MSTO1: variants seen among roughly 807,000 people sequenced by gnomAD.
The protein encoded by MSTO1 is protein misato homolog 1.
In MSTO1, 24 loss-of-function variants were observed where a neutral mutation model predicts 55.7. The ratio of observed to expected loss-of-function variants is 0.43; its 90% CI spans 0.31 to 0.61. The LOEUF (loss-of-function observed/expected upper bound fraction) is 0.61, where lower values mean the gene tolerates loss of function less well. MSTO1 is among the 20% of genes least tolerant of loss of function. The probability of loss-of-function intolerance (pLI) is 0.09; values close to 1 mark genes in which losing one functional copy is unlikely to be tolerated. For synonymous variants in MSTO1, 162 were observed against 252.8 expected (o/e 0.64, Z 3.41); for missense variants, 363 against 625.7 (o/e 0.58, Z 4.48).
chr1:155,609,177 G>A (rs1407599085), upstream of MSTO1, among the ~76,000 whole-genome samples: 1 of 137,696 alleles, frequency 7.3e-6, no homozygotes, highest in Non-Finnish European at 1.5e-5. Flanking sequence ...GCACCTAATA[G>A]CCCAAAAATT....
chr1:155,583,279 C>G, the MSTO1 span, among the ~76,000 whole-genome samples: 1 of 150,644 alleles, frequency 6.6e-6, no homozygotes, highest in African/African-American at 2.4e-5. Context: ...GTGGCTCACA[C>G]CTGCAATCCC....
the MSTO1 span, among the ~76,000 whole-genome samples, chr1:155,600,094 C>G: frequency 6.6e-6 from 1 of 152,168 alleles, no homozygotes; most frequent in African/African-American, 2.4e-5. Context: ...TTACGGGTGT[C>G]GGGCTGGGGA....
chr1:155,577,893 G>A, the MSTO1 span, among the ~76,000 whole-genome samples: 3 of 152,224 alleles, frequency 2.0e-5, no homozygotes, highest in South Asian at 2.1e-4. Context: ...CTACAAGCAC[G>A]AGCCACTACA....
chr1:155,593,000 C>G, the MSTO1 span, among the ~76,000 whole-genome samples: 5 of 152,178 alleles, frequency 3.3e-5, no homozygotes, highest in Admixed American at 2.0e-4. Context: ...CAACCTCCAC[C>G]TCCCAGGTTC....
chr1:155,594,704 T>G, the MSTO1 span, among the ~76,000 whole-genome samples: 1 of 152,052 alleles, frequency 6.6e-6, no homozygotes, highest in African/African-American at 2.4e-5. Context: ...CTTCCACTTT[T>G]GCTCCCAAGT....
the MSTO1 span, among the ~76,000 whole-genome samples, chr1:155,576,511 G>A: frequency 6.6e-6 from 1 of 151,570 alleles, no homozygotes; most frequent in South Asian, 2.1e-4. Flanking sequence ...ATTTTTAGTA[G>A]AGATGGGGTT....
chr1:155,609,805 T>C (rs552284954), upstream of MSTO1: 4 of 193,468 alleles, frequency 2.1e-5, no homozygotes, highest in African/African-American at 9.5e-5. Flanking sequence ...TCTGAAGAGA[T>C]GAAGGGGCAT....
chr1:155,612,229 C>A lies in MSTO1; in HGVS notation c.726C>A (p.Gly242=). The A allele has an allele frequency of 6.2e-7, 1 of 1,606,900 alleles. No homozygotes were observed. Among genetic ancestry groups the A allele is most frequent in the Non-Finnish European group, 8.5e-7 (1 of 1,176,274 alleles). ...CDLHDGFSGV[G]AKAAELLQDE... ...TGCACGATGGCTTCTCTGGGGTAGG[C>A]GCGAAGGCGGCAGAGCTGCTACAAG... The change falls in exon 8 of 14, where the codon GGC becomes GGA. Residue 242 remains glycine (G), a synonymous_variant. Transcript: ENST00000245564.
the MSTO1 span, among the ~76,000 whole-genome samples, chr1:155,567,546 C>T: frequency 1.3e-5 from 2 of 151,632 alleles, no homozygotes; most frequent in South Asian, 2.1e-4. Flanking sequence ...GTGATCCGCC[C>T]GCCTCGGCCT....
the MSTO1 span, among the ~76,000 whole-genome samples, chr1:155,587,693 G>A: frequency 6.8e-6 from 1 of 147,788 alleles, no homozygotes; most frequent in Non-Finnish European, 1.5e-5. Context: ...GCAGTGAGCC[G>A]AGATCGCGCC....
chr1:155,596,293 A>T, the MSTO1 span, among the ~76,000 whole-genome samples: 1 of 152,298 alleles, frequency 6.6e-6, no homozygotes, highest in Admixed American at 6.5e-5. Context: ...TGGGGTTTCT[A>T]TGGAAACAGC....
the MSTO1 span, among the ~76,000 whole-genome samples, chr1:155,590,054 C>T: frequency 7.7e-5 from 10 of 129,934 alleles, no homozygotes; most frequent in South Asian, 9.4e-4. Flanking sequence ...GAGGTGGGGG[C>T]GGGGGTCTAC....
chr1:155,591,063 G>A, the MSTO1 span: 30 of 1,613,770 alleles, frequency 1.9e-5, no homozygotes, highest in East Asian at 1.1e-4. Flanking sequence ...GCAGTGAGTC[G>A]TACACCTTGC....
chr1:155,593,202 C>A, the MSTO1 span, among the ~76,000 whole-genome samples: 1 of 152,216 alleles, frequency 6.6e-6, no homozygotes, highest in Non-Finnish European at 1.5e-5. Context: ...GCGTGAGCCA[C>A]CGCACCTGGC....
At chr1:155,567,580 G>C in the MSTO1 span, among the ~76,000 whole-genome samples, 5 of 151,734 alleles carry the variant, frequency 3.3e-5, no homozygotes, top group Admixed American at 6.6e-5. Flanking sequence ...GATTACAGGC[G>C]TGAGCCACCG....
chr1:155,571,490 A>C, the MSTO1 span, among the ~76,000 whole-genome samples: 1 of 152,154 alleles, frequency 6.6e-6, no homozygotes, highest in Admixed American at 6.6e-5. Context: ...TGAGCCCAGG[A>C]GTTCAAGACT....
chr1:155,590,847 C>G, the MSTO1 span: 1 of 1,609,298 alleles, frequency 6.2e-7, no homozygotes, highest in Non-Finnish European at 8.5e-7. Context: ...TGGCATGCGC[C>G]GTCCAGCAAA....
the MSTO1 span, among the ~76,000 whole-genome samples, chr1:155,589,897 C>T: frequency 1.3e-5 from 2 of 151,958 alleles, no homozygotes; most frequent in Non-Finnish European, 2.9e-5. Flanking sequence ...CACAGACACA[C>T]CCAGGAACAA....
chr1:155,613,990 T>C, intron 13 of MSTO1, 69 bp from the exon 14 acceptor site: 1 of 1,605,136 alleles, frequency 6.2e-7, no homozygotes, highest in Non-Finnish European at 8.5e-7. Context: ...GACTTCCTTA[T>C]CAGTTTGGCA....
Sources: gnomAD v4.1 joint callset for allele counts (sites outside exome capture counted in the v4.1 genomes callset) on GRCh38, gnomAD v4.1.1 for gene constraint, MANE v1.5 for transcripts, NCBI Gene and HGNC (gene_info 2026-07-23, HGNC 2026-07-21) for gene names.